The following MED6 variants were observed in gnomAD, a reference collection of about 807,000 sequenced individuals.
The protein encoded by MED6 is mediator of RNA polymerase II transcription subunit 6.
In MED6, 33 loss-of-function variants were observed where a neutral mutation model predicts 37.5. The ratio of observed to expected loss-of-function variants is 0.88; its 90% CI spans 0.67 to 1.18. The LOEUF (loss-of-function observed/expected upper bound fraction) is 1.18, where lower values mean the gene tolerates loss of function less well. Ranked by LOEUF, MED6 falls within the 50% of genes most tolerant of loss-of-function variation. The pLI, the probability that MED6 is intolerant of heterozygous loss-of-function variation, is 0.00. For missense variants in MED6, 235 were observed against 290.6 expected (o/e 0.81, Z 1.39); for synonymous variants, 94 against 93.6 (o/e 1.00, Z -0.02).
Position 70,597,754 on chromosome 14 carries a change from C to T in MED6, c.46G>A (p.Val16Ile). 1 of 1,550,280 alleles carries T rather than the reference C, an allele frequency of 6.5e-7. No homozygotes were observed. Among genetic ancestry groups the T allele is most frequent in the Non-Finnish European group, 8.6e-7 (1 of 1,160,864 alleles). The part of the protein sequence containing the change: ...IRDNLLGISW[V>I]DSSWIPILNS... ...AAAATAGGGATCCAAGAGCTGTCAA[C>T]CCAAGAAATTCCCAGCAGATTGTCT... The change falls in exon 2 of 8, where the codon GTT becomes ATT. Residue 16 changes from valine (V) to isoleucine (I), a missense_variant. By Grantham distance (29) the Val-to-Ile change is conservative. Transcript: ENST00000256379.
intron 2 of MED6, 21 bp from the exon 3 acceptor site, chr14:70,596,723 TC>T (rs1432510202): frequency 1.2e-5 from 18 of 1,551,184 alleles, no homozygotes; most frequent in Non-Finnish European, 1.6e-5. Context: ...AACACAGACA[TC>T]CAAAGATCTA....
intron 2 of MED6, among the ~76,000 whole-genome samples, chr14:70,597,102 T>A (rs2139603509): frequency 6.6e-6 from 1 of 152,180 alleles, no homozygotes; most frequent in Non-Finnish European, 1.5e-5. Context: ...CTAGAAAACA[T>A]CAAAAACTTT....
rs1430057314 is a variant in MED6, at chr14:70,584,374, A to G, written c.*439T>C. ...TTCACAAGAAATCATGATGGGAATA[A>G]TATCTTTTCTTCTTTTTTGAGACAA... On this transcript the variant is annotated 3_prime_UTR_variant, in exon 8 of 8. Transcript: ENST00000256379. The G allele has an allele frequency of 1.3e-5, 6 of 453,364 alleles. No homozygotes were observed. Among genetic ancestry groups the G allele is most frequent in the Non-Finnish European group, 1.6e-5 (4 of 256,088 alleles). The allele number at this position is 453,364 out of a possible 1,614,324, so 28.1% of individuals were successfully genotyped here.
At chr14:70,600,504 CA>C (rs1885175565) in intron 1 of MED6, 111 bp downstream of exon 1, 3 of 1,243,610 alleles carry the variant, frequency 2.4e-6, no homozygotes, top group African/African-American at 3.1e-5. Flanking sequence ...AAAAACCACT[CA>C]AAAAAGCTTG....
intron 1 of MED6, among the ~76,000 whole-genome samples, 178 bp downstream of exon 1, chr14:70,600,438 A>AG (rs111681910): frequency 0.062 from 8,578 of 137,484 alleles, 414 homozygotes; most frequent in African/African-American, 0.16. Context: ...CCAAGAACTC[A>AG]GAAAAAAAAA....
intron 4 of MED6, 46 bp downstream of exon 4, chr14:70,593,249 CT>C (rs1415621456): frequency 6.7e-7 from 1 of 1,492,260 alleles, no homozygotes; most frequent in Non-Finnish European, 9.3e-7. Flanking sequence ...AGCAAGGTAG[CT>C]AATTAAAAGT....
chr14:70,590,549 G>C (rs543614428), intron 6 of MED6, among the ~76,000 whole-genome samples: 1 of 152,112 alleles, frequency 6.6e-6, no homozygotes, highest in Non-Finnish European at 1.5e-5. Context: ...AATTTCCCTT[G>C]AAAATCCCTT....
In MED6 at chr14:70,591,163, A is replaced by G. The variant is rs1884858591; in HGVS notation, c.582+103T>C. 3.4e-6 allele frequency: 3 copies of G among 884,836 alleles called. No homozygotes were observed. The Admixed American group carries it at 8.4e-5, about 25-fold the overall frequency. The allele number at this position is 884,836 out of a possible 1,614,324, so 54.8% of individuals were successfully genotyped here. On this transcript the variant is annotated intron_variant, in intron 6 of 7. Transcript: ENST00000256379. The stretch of plus-strand genomic sequence containing the variant: ...AGATCATTTTTTAACTAATGAGGAA[A>G]ATTGTACTTTTAGGTCACATCTGAA...
intron 6 of MED6, among the ~76,000 whole-genome samples, chr14:70,588,300 TATG>T (rs1486976909): frequency 6.6e-6 from 1 of 152,120 alleles, no homozygotes; most frequent in Non-Finnish European, 1.5e-5. Context: ...GGCTCAGGAA[TATG>T]ATGATATAAG....
At chr14:70,597,943 C>T (rs776455209) in intron 1 of MED6, 166 bp from the exon 2 acceptor site, 18 of 438,716 alleles carry the variant, frequency 4.1e-5, no homozygotes, top group Non-Finnish European at 6.5e-5. Context: ...TGCAAGAAAG[C>T]AATAACATGA....
chr14:70,596,853 T>C (rs530131987), intron 2 of MED6, 151 bp from the exon 3 acceptor site: 30 of 554,620 alleles, frequency 5.4e-5, no homozygotes, highest in Middle Eastern at 4.9e-4. Context: ...TTGAGTAAAA[T>C]TGGCTGTTTT....
chr14:70,592,918 T>G lies in MED6; in HGVS notation c.428A>C (p.Lys143Thr). Residue 143 changes from lysine to threonine, a missense_variant, in exon 5 of 8, where the codon AAA (lysine) becomes ACA (threonine). Physicochemically the swap from Lys to Thr is moderately conservative, Grantham distance 78 (BLOSUM62 -1). Coordinates refer to ENST00000256379, the MANE Select transcript of MED6 (RefSeq NM_005466.4). ...ATCTTTGAAGTGCCACCAATACCCT[T>G]TGGAAGGATGATATCGACAGTATGA... is the stretch of plus-strand genomic sequence containing the variant. Reference protein sequence around the residue: ...AMSYCRYHPSKGYWWHFKDHE... With the variant: ...AMSYCRYHPSTGYWWHFKDHE... The G allele has an allele frequency of 6.2e-7, 1 of 1,613,924 alleles. No individual in the cohort carries two copies. The highest frequency in any genetic ancestry group is 1.1e-5 in the South Asian group (1 of 91,074).
At position 70,596,609 on chromosome 14, in the gene MED6, AC is replaced by A. The variant is rs1728440857; in HGVS notation, c.274+1del. On this transcript the variant is annotated splice_donor_variant, in intron 3 of 7. Transcript: ENST00000256379. LOFTEE classifies it high-confidence loss of function. Reference sequence around the variant, plus strand: ...ACAATGCCTAAAGTTTACACATTTTACCTTGGGCAGGGGACTGCCGCTGTTG... The same window carrying A: ...ACAATGCCTAAAGTTTACACATTTTACTTGGGCAGGGGACTGCCGCTGTTG... 1 of 1,607,330 alleles carries A rather than the reference AC, an allele frequency of 6.2e-7. No homozygotes were observed. The highest frequency in any genetic ancestry group is 1.3e-5 in the African/African-American group (1 of 74,856).
In MED6 at chr14:70,592,878, A is replaced by G. The variant is rs1884924007; in HGVS notation, c.466+2T>C. 3.7e-6 allele frequency: 6 copies of G among 1,613,602 alleles called. No homozygotes were observed. The highest frequency in any genetic ancestry group is 1.3e-5 in the African/African-American group (1 of 74,920). ...TTAGGAGGGTATGGATGTTCTACTT[A>G]CCTTGCTCTTCATGATCTTTGAAGT... is the stretch of plus-strand genomic sequence containing the variant. On this transcript the variant is annotated splice_donor_variant, in intron 5 of 7. Transcript: ENST00000256379. LOFTEE classifies it high-confidence loss of function.
In MED6 at chr14:70,584,843, G is replaced by T; in HGVS notation, c.711C>A (p.Gly237=). 6.2e-7 allele frequency: 1 copy of T among 1,613,992 alleles called. No individual in the cohort carries two copies. The highest frequency in any genetic ancestry group is 8.5e-7 in the Non-Finnish European group (1 of 1,179,980). The part of the protein sequence containing the change: ...KNVQQTVSAK[G]PPEKRMRLQ ...GAAGTCTCATCCGTTTTTCAGGGGG[G>T]CCTTTAGCACTCACTGTCTGTTGTA... Residue 237 remains glycine, a synonymous_variant, in exon 8 of 8, where the codon GGC becomes GGA. Coordinates refer to ENST00000256379, the MANE Select transcript of MED6 (RefSeq NM_005466.4).
intron 6 of MED6, among the ~76,000 whole-genome samples, chr14:70,588,775 A>C (rs1272868145): frequency 6.6e-6 from 1 of 150,906 alleles, no homozygotes; most frequent in Non-Finnish European, 1.5e-5. Flanking sequence ...AGATAAAACA[A>C]GCTTGGCCAT....
At chr14:70,599,928 T>C (rs1885155431) in intron 1 of MED6, among the ~76,000 whole-genome samples, 1 of 151,996 alleles carries the variant, frequency 6.6e-6, no homozygotes, top group African/African-American at 2.4e-5. Context: ...CCAGTTAATA[T>C]TAAAAAAAGG....
intron 6 of MED6, among the ~76,000 whole-genome samples, chr14:70,586,647 A>T (rs1884716347): frequency 6.6e-6 from 1 of 152,202 alleles, no homozygotes; most frequent in South Asian, 2.1e-4. Context: ...CTGTGTGCTG[A>T]ATCTTTCTGG....
intron 6 of MED6, 98 bp downstream of exon 6, chr14:70,591,168 T>A: frequency 3.3e-6 from 3 of 918,512 alleles, no homozygotes; most frequent in Admixed American, 2.7e-5. Context: ...AGGAAAATTG[T>A]ACTTTTAGGT....
Sources: gnomAD v4.1 joint callset for allele counts (sites outside exome capture counted in the v4.1 genomes callset) on GRCh38, gnomAD v4.1.1 for gene constraint, MANE v1.5 for transcripts, NCBI Gene and HGNC (gene_info 2026-07-23, HGNC 2026-07-21) for gene names.